Variants in IGF2R observed in about 807,000 individuals in gnomAD.
IGF2R encodes cation-independent mannose-6-phosphate receptor.
Under a neutral mutation model 270.6 loss-of-function variants are expected in IGF2R, and 91 were observed. The observed-to-expected ratio is 0.34, with a 90% CI of 0.28 to 0.40. The LOEUF is 0.40. IGF2R is among the 10% of genes least tolerant of loss of function. The probability of loss-of-function intolerance (pLI) is 1.00; values close to 1 mark genes in which losing one functional copy is unlikely to be tolerated. For synonymous variants in IGF2R, 1,316 were observed against 1,258.9 expected (o/e 1.05, Z -0.96); for missense variants, 2,805 against 3,188.3 (o/e 0.88, Z 2.90).
intron 5 of IGF2R, 109 bp downstream of exon 5, chr6:160,024,813 T>G (rs1020008280): frequency 1.2e-5 from 15 of 1,237,414 alleles, no homozygotes; most frequent in Non-Finnish European, 1.7e-5. Flanking sequence ...TGTTTCTGAT[T>G]AGGCCCTCTA....
chr6:160,060,280 A>C (rs1778407024), intron 22 of IGF2R, among the ~76,000 whole-genome samples: 1 of 151,686 alleles, frequency 6.6e-6, no homozygotes, highest in African/African-American at 2.4e-5. Flanking sequence ...AACACAGGCC[A>C]CCGTTGCAGT....
At position 160,040,637 on chromosome 6, in the gene IGF2R, G is replaced by T; in HGVS notation, c.1393G>T (p.Ala465Ser). ...TYFFTWDTEY[A>S]CVKEKEDLLC... ...CTTCTTCACATGGGACACGGAATAC[G>T]CCTGTGTTAAGGAGAAGGAAGACCT... Residue 465 changes from alanine (A) to serine (S), a missense_variant, in exon 11 of 48, where the codon GCC (alanine) becomes TCC (serine). Physicochemically the swap from Ala to Ser is moderately conservative, Grantham distance 99. Coordinates refer to ENST00000356956, the MANE Select transcript of IGF2R (RefSeq NM_000876.4). The T allele has an allele frequency of 6.2e-7, 1 of 1,613,994 alleles. No homozygotes were observed. The highest frequency in any genetic ancestry group is 8.5e-7 in the Non-Finnish European group (1 of 1,179,838).
chr6:160,077,705 C>T (rs1177038428), intron 36 of IGF2R, among the ~76,000 whole-genome samples: 1 of 152,206 alleles, frequency 6.6e-6, no homozygotes, highest in Non-Finnish European at 1.5e-5. Flanking sequence ...AAATGGAATT[C>T]CTGAGAGCTG....
intron 47 of IGF2R, 43 bp downstream of exon 47, chr6:160,103,858 C>G: frequency 7.6e-7 from 1 of 1,322,286 alleles, no homozygotes; most frequent in Non-Finnish European, 1.1e-6. Flanking sequence ...GCCTCCCCGG[C>G]CCCCTGTGCT....
intron 26 of IGF2R, among the ~76,000 whole-genome samples, chr6:160,062,851 G>A (rs559580814): frequency 6.6e-6 from 1 of 151,736 alleles, no homozygotes; most frequent in Non-Finnish European, 1.5e-5. Context: ...TTTGGCGTCT[G>A]ATGCTTGAAG....
At position 160,083,945 on chromosome 6, in the gene IGF2R, C is replaced by G. The variant is rs1330642820; in HGVS notation, c.5834-5C>G. The G allele has an allele frequency of 3.7e-6, 6 of 1,603,870 alleles. No homozygotes were observed. The highest frequency in any genetic ancestry group is 5.1e-6 in the Non-Finnish European group (6 of 1,170,740). On this transcript the variant is annotated splice_polypyrimidine_tract_variant and splice_region_variant and intron_variant, in intron 39 of 47. Transcript: ENST00000356956. ...ATCTCTCTCTCTTTTCCCTACACTC[C>G]CCAGCAAACAGCTACCGGACATCCA...
chr6:160,066,518 C>T (rs1778589191), intron 29 of IGF2R, among the ~76,000 whole-genome samples: 1 of 152,142 alleles, frequency 6.6e-6, no homozygotes, highest in Non-Finnish European at 1.5e-5. Flanking sequence ...ATTTTATAAT[C>T]TCATAATAAA....
At position 160,073,389 on chromosome 6, in the gene IGF2R, A is replaced by T. The variant is rs753522671; in HGVS notation, c.4867A>T (p.Arg1623Trp). The T allele has an allele frequency of 1.9e-6, 3 of 1,614,128 alleles. No homozygotes were observed. The highest frequency in any genetic ancestry group is 2.5e-6 in the Non-Finnish European group (3 of 1,179,934). Reference protein sequence around the residue: ...VCRPEARPTNRPMLISLDKQT... With the variant: ...VCRPEARPTNWPMLISLDKQT... Reference sequence around the variant, plus strand: ...CAGGCCTGAGGCCAGGCCAACCAATAGGCCCATGCTCATCTCCCTGGACAA... The same window carrying T: ...CAGGCCTGAGGCCAGGCCAACCAATTGGCCCATGCTCATCTCCCTGGACAA... Residue 1623 changes from arginine (R) to tryptophan (W), a missense_variant, in exon 34 of 48, where the codon AGG (arginine) becomes TGG (tryptophan). This residue lies in a region of IGF2R where 1,851 missense variants were observed against 2,207.2 expected (regional missense o/e 0.84). Coordinates refer to ENST00000356956, the MANE Select transcript of IGF2R (RefSeq NM_000876.4).
Position 160,047,859 on chromosome 6 carries a change from A to C in IGF2R, c.2297A>C (p.Glu766Ala), listed in dbSNP as rs2115248986. ...TSYACPEEPL[E>A]CVVTDPSTLE... ...TATGCCTGCCCGGAGGAGCCCCTGG[A>C]ATGCGTAGTGACCGACCCCTCCACG... The change falls in exon 17 of 48, where the codon GAA becomes GCA. Residue 766 changes from glutamate (E) to alanine (A), a missense_variant. Transcript: ENST00000356956. The C allele has an allele frequency of 6.2e-7, 1 of 1,614,124 alleles. No homozygotes were observed. The highest frequency in any genetic ancestry group is 8.5e-7 in the Non-Finnish European group (1 of 1,179,978).
At chr6:159,987,549 G>T (rs371536858) in intron 1 of IGF2R, among the ~76,000 whole-genome samples, 1 of 152,052 alleles carries the variant, frequency 6.6e-6, no homozygotes, top group Non-Finnish European at 1.5e-5. Flanking sequence ...GCACCACCAC[G>T]CCCGGCTAAT....
In IGF2R at chr6:160,061,829, C is replaced by A; in HGVS notation, c.3483C>A (p.Ala1161=). ...GTGTGGTGCAGATGAGTCCCCAAGC[C>A]GCGGCGAATGGATCTTTGAGCATCA... The part of the protein sequence containing the change: ...NLGVVQMSPQ[A]AANGSLSIMY... Residue 1161 remains alanine (A), a synonymous_variant, in exon 25 of 48, where the codon GCC becomes GCA. Coordinates refer to ENST00000356956, the MANE Select transcript of IGF2R (RefSeq NM_000876.4). The A allele has an allele frequency of 6.2e-7, 1 of 1,614,120 alleles. No homozygotes were observed. Among genetic ancestry groups the A allele is most frequent in the Non-Finnish European group, 8.5e-7 (1 of 1,180,032 alleles).
At chr6:159,975,684 T>TTATATATATATA (rs34536101) in intron 1 of IGF2R, among the ~76,000 whole-genome samples, 5 of 141,732 alleles carry the variant, frequency 3.5e-5, no homozygotes, top group Middle Eastern at 7.3e-3. Flanking sequence ...TTATATATAT[T>TTATATATATATA]TATATATATA....
At chr6:160,009,276 C>T (rs1784296114) in intron 3 of IGF2R, 142 bp downstream of exon 3, 2 of 654,320 alleles carry the variant, frequency 3.1e-6, no homozygotes, top group African/African-American at 3.7e-5. Flanking sequence ...AAATGACCAT[C>T]ATCATCAAGA....
chr6:160,097,609 C>T (rs1050493468), intron 45 of IGF2R, among the ~76,000 whole-genome samples: 49 of 152,346 alleles, frequency 3.2e-4, no homozygotes, highest in Non-Finnish European at 1.0e-4. Flanking sequence ...GCATTACAAG[C>T]GTGAGCTGCC....
chr6:160,066,292 A>C, intron 29 of IGF2R, among the ~76,000 whole-genome samples: 1 of 150,948 alleles, frequency 6.6e-6, no homozygotes, highest in Admixed American at 6.6e-5. Flanking sequence ...TGGGATTACA[A>C]GTGTGAGCCA....
intron 44 of IGF2R, chr6:160,093,718 A>T (rs1409414887): frequency 1.3e-6 from 1 of 758,184 alleles, no homozygotes; most frequent in Non-Finnish European, 2.5e-6. Context: ...TTGTGAATGG[A>T]CCTGAACCAC....
rs763626791 is a variant in IGF2R, at chr6:160,009,007, T to C, written c.290-3T>C. 1.1e-5 allele frequency: 18 copies of C among 1,613,856 alleles called. No individual in the cohort carries two copies. The highest frequency in any genetic ancestry group is 1.5e-5 in the Non-Finnish European group (18 of 1,179,818). On this transcript the variant is annotated splice_region_variant and splice_polypyrimidine_tract_variant and intron_variant, in intron 2 of 47. Coordinates refer to ENST00000356956, the MANE Select transcript of IGF2R (RefSeq NM_000876.4). The stretch of plus-strand genomic sequence containing the variant: ...CTGTTCACTCTCTTTTCTCTCCAAA[T>C]AGGTGACTCTGTTTTGAGAAGTGCA...
At chr6:159,990,763 G>A (rs1191398313) in intron 1 of IGF2R, among the ~76,000 whole-genome samples, 1 of 152,164 alleles carries the variant, frequency 6.6e-6, no homozygotes, top group Non-Finnish European at 1.5e-5. Context: ...CTAGGTAGCT[G>A]TAATTATAGG....
intron 2 of IGF2R, among the ~76,000 whole-genome samples, chr6:160,000,735 T>TTTTTTTTTTTTTTG (rs1562337952): frequency 7.2e-6 from 1 of 138,534 alleles, no homozygotes; most frequent in African/African-American, 2.8e-5. Context: ...GTTGTTTTTT[T>TTTTTTTTTTTTTTG]TTTTTTTTTT....
Sources: gnomAD v4.1 joint callset for allele counts (sites outside exome capture counted in the v4.1 genomes callset) on GRCh38, gnomAD v4.1.1 for gene constraint, gnomAD v4.1.1 regional missense constraint, MANE v1.5 for transcripts, NCBI Gene and HGNC (gene_info 2026-07-23, HGNC 2026-07-21) for gene names.